Variants in PHF19 observed in about 807,000 individuals in gnomAD.
PHF19 encodes the protein PHD finger protein 19, also known as polycomb like 3.
A neutral mutation model predicts 79.8 loss-of-function variants in PHF19; 21 were observed. The observed-to-expected ratio is 0.26, with a 90% CI of 0.19 to 0.38. PHF19 has a LOEUF of 0.38. PHF19 is among the 10% of genes least tolerant of loss of function. The pLI is 1.00. For synonymous variants in PHF19, 273 were observed against 296.3 expected (o/e 0.92, Z 0.81); for missense variants, 445 against 744.2 (o/e 0.60, Z 4.68).
At position 120,860,952 on chromosome 9, in the gene PHF19, T is replaced by C. The variant is rs923862219; in HGVS notation, c.1304+137A>G. On this transcript the variant is annotated intron_variant, in intron 13 of 14. Transcript: ENST00000373896. The surrounding 1 kb of genome is among the most constrained non-coding windows in gnomAD (Gnocchi z 4.1). Reference sequence around the variant, plus strand: ...TGGTGCTCTGGGAACAGGGATGTTATGCTGAAAGCTCTACTGCAAAAAGCC... The same window carrying C: ...TGGTGCTCTGGGAACAGGGATGTTACGCTGAAAGCTCTACTGCAAAAAGCC... The C allele has an allele frequency of 1.4e-5, 9 of 654,476 alleles. No individual in the cohort carries two copies. Among genetic ancestry groups the C allele is most frequent in the African/African-American group, 7.1e-5 (4 of 56,318 alleles). The allele number at this position is 654,476 out of a possible 1,614,324, so 40.5% of individuals were successfully genotyped here.
Position 120,862,553 on chromosome 9 carries a change from C to G in PHF19, c.1130+35G>C. 7 of 1,597,840 alleles carry G rather than the reference C, an allele frequency of 4.4e-6. No individual in the cohort carries two copies. Among genetic ancestry groups the G allele is most frequent in the Non-Finnish European group, 6.0e-6 (7 of 1,168,470 alleles). ...TTGGAAGCAGAGAAACCGAGTTTGG[C>G]GGCAGCCCTGGCCCCTGGGTCCCCG... is the stretch of plus-strand genomic sequence containing the variant. On this transcript the variant is annotated intron_variant, in intron 11 of 14. Transcript: ENST00000373896. The surrounding 1 kb of genome is among the most constrained non-coding windows in gnomAD (Gnocchi z 4.6).
chr9:120,872,436 A>C (rs546995987), intron 3 of PHF19, among the ~76,000 whole-genome samples: 1 of 152,226 alleles, frequency 6.6e-6, no homozygotes, highest in Non-Finnish European at 1.5e-5. Context: ...GCTAAGGTGC[A>C]TGGTCTTCTC....
chr9:120,869,156 C>T lies in PHF19; in HGVS notation c.614+26G>A, dbSNP rs900282406. 6.3e-7 allele frequency: 1 copy of T among 1,589,054 alleles called. No individual in the cohort carries two copies. Among genetic ancestry groups the T allele is most frequent in the African/African-American group, 1.3e-5 (1 of 74,466 alleles). ...ATTCTTGGAGACCTGCCCTGCCGCC[C>T]GGGGGGCCCTGACCCCCTGCCTTAC... On this transcript the variant is annotated intron_variant, in intron 6 of 14. Transcript: ENST00000373896. This position sits in a 1 kb window ranked among gnomAD's most constrained non-coding sequence, Gnocchi z 5.8.
At chr9:120,865,254 G>A (rs1588100841) in intron 9 of PHF19, among the ~76,000 whole-genome samples, 1 of 152,202 alleles carries the variant, frequency 6.6e-6, no homozygotes, top group African/African-American at 2.4e-5. Context: ...CTCCAGCTCT[G>A]GCTCAGCCTC....
intron 1 of PHF19, among the ~76,000 whole-genome samples, chr9:120,875,588 C>T (rs2046023233): frequency 6.6e-6 from 1 of 152,216 alleles, no homozygotes; most frequent in African/African-American, 2.4e-5. Flanking sequence ...TAGCTTCCAT[C>T]CTCCTGCCCT....
rs1237336347 is a variant in PHF19 at position 120,862,545 on chromosome 9, G to A, written c.1130+43C>T. On this transcript the variant is annotated intron_variant, in intron 11 of 14. Transcript: ENST00000373896. The surrounding 1 kb of genome is among the most constrained non-coding windows in gnomAD (Gnocchi z 4.6). ...TTGCTTGCTTGGAAGCAGAGAAACC[G>A]AGTTTGGCGGCAGCCCTGGCCCCTG... The A allele has an allele frequency of 4.4e-6, 7 of 1,587,064 alleles. No homozygotes were observed. Among genetic ancestry groups the A allele is most frequent in the South Asian group, 3.3e-5 (3 of 90,382 alleles).
At position 120,869,095 on chromosome 9, in the gene PHF19, G is replaced by A; in HGVS notation, c.614+87C>T. On this transcript the variant is annotated intron_variant, in intron 6 of 14. Transcript: ENST00000373896. This position sits in a 1 kb window ranked among gnomAD's most constrained non-coding sequence, Gnocchi z 5.8. ...TCAAGGTCCCCGCCTTGGCTGACACGCCAGGCTCGCTCCCTATGGGCGGTC... is the reference window on the plus strand; with the variant it reads ...TCAAGGTCCCCGCCTTGGCTGACACACCAGGCTCGCTCCCTATGGGCGGTC... The A allele has an allele frequency of 1.5e-6, 2 of 1,344,334 alleles. No individual in the cohort carries two copies. The highest frequency in any genetic ancestry group is 2.5e-5 in the Admixed American group (1 of 40,360). 83.3% of individuals were successfully genotyped at this position (1,344,334 alleles called of 1,614,324 possible). A position where few individuals can be genotyped will look rare whatever the true frequency, so the allele number is the denominator to read the frequency against.
chr9:120,895,757 A>T (rs557409848), upstream of PHF19, among the ~76,000 whole-genome samples: 32 of 152,088 alleles, frequency 2.1e-4, no homozygotes, highest in African/African-American at 7.7e-4. Context: ...GGCTCAAGTG[A>T]TTCTCCTGCC....
chr9:120,874,779 T>TTTGCTTC lies in PHF19; in HGVS notation c.-15-30_-15-24dup, dbSNP rs753775003. 6.5e-7 allele frequency: 1 copy of TTTGCTTC among 1,542,540 alleles called. No individual in the cohort carries two copies. Among genetic ancestry groups the TTTGCTTC allele is most frequent in the Non-Finnish European group, 8.9e-7 (1 of 1,121,418 alleles). ...ACACTGGGAGAGAAAGAACAGGGTT[T>TTTGCTTC]TTGCTTCTTGCTTCCCTGCTTCAGA... On this transcript the variant is annotated intron_variant, in intron 1 of 14. Transcript: ENST00000373896. The surrounding 1 kb of genome is among the most constrained non-coding windows in gnomAD (Gnocchi z 4.5).
chr9:120,890,286 T>A (rs555502744), intron 1 of PHF19, among the ~76,000 whole-genome samples: 1 of 151,782 alleles, frequency 6.6e-6, no homozygotes, highest in African/African-American at 2.4e-5. Flanking sequence ...TTTTTTTTTT[T>A]TTTTTTTTTC....
rs2045564291 is a variant in PHF19 at position 120,862,555 on chromosome 9, G to A, written c.1130+33C>T. 6.3e-7 allele frequency: 1 copy of A among 1,599,604 alleles called. No homozygotes were observed. The highest frequency in any genetic ancestry group is 1.1e-5 in the South Asian group (1 of 90,612). On this transcript the variant is annotated intron_variant, in intron 11 of 14. Coordinates refer to ENST00000373896, the MANE Select transcript of PHF19 (RefSeq NM_015651.3). The surrounding 1 kb of genome is among the most constrained non-coding windows in gnomAD (Gnocchi z 4.6). The stretch of plus-strand genomic sequence containing the variant: ...GGAAGCAGAGAAACCGAGTTTGGCG[G>A]CAGCCCTGGCCCCTGGGTCCCCGAG...
chr9:120,862,783 AG>A lies in PHF19; in HGVS notation c.969-35del. 6.2e-7 allele frequency: 1 copy of A among 1,606,572 alleles called. No homozygotes were observed. Among genetic ancestry groups the A allele is most frequent in the Non-Finnish European group, 8.5e-7 (1 of 1,173,652 alleles). ...GGGCAGTGGGAGGAAGAAGCTCTGGAGTCTGTCAGTCCATCCTCCTGGGGAG... is the reference window on the plus strand; with the variant it reads ...GGGCAGTGGGAGGAAGAAGCTCTGGATCTGTCAGTCCATCCTCCTGGGGAG... On this transcript the variant is annotated intron_variant, in intron 10 of 14. Coordinates refer to ENST00000373896, the MANE Select transcript of PHF19 (RefSeq NM_015651.3). The surrounding 1 kb of genome is among the most constrained non-coding windows in gnomAD (Gnocchi z 4.6).
chr9:120,902,457 T>C, the PHF19 span: 1 of 145,392 alleles, frequency 6.9e-6, no homozygotes, highest in African/African-American at 2.6e-5. Flanking sequence ...CATCTCATCC[T>C]GCTTTCAATA....
chr9:120,866,983 C>T lies in PHF19; in HGVS notation c.615-18G>A. The stretch of plus-strand genomic sequence containing the variant: ...GGTACCATCTGGAGAGACAGAGGAG[C>T]CAAGGTCAGCCAGGACCACACCCCC... On this transcript the variant is annotated intron_variant, in intron 6 of 14. Coordinates refer to ENST00000373896, the MANE Select transcript of PHF19 (RefSeq NM_015651.3). This position sits in a 1 kb window ranked among gnomAD's most constrained non-coding sequence, Gnocchi z 5.2. The T allele has an allele frequency of 1.3e-6, 2 of 1,491,344 alleles. No homozygotes were observed. The highest frequency in any genetic ancestry group is 1.9e-6 in the Non-Finnish European group (2 of 1,068,278). The allele number at this position is 1,491,344 out of a possible 1,614,324, so 92.4% of individuals were successfully genotyped here. A position where few individuals can be genotyped will look rare whatever the true frequency, so the allele number is the denominator to read the frequency against.
chr9:120,870,387 A>T lies in PHF19; in HGVS notation c.364+56T>A, dbSNP rs1215679889. 1 of 1,066,190 alleles carries T rather than the reference A, an allele frequency of 9.4e-7. No homozygotes were observed. Among genetic ancestry groups the T allele is most frequent in the African/African-American group, 1.6e-5 (1 of 64,212 alleles). The allele number at this position is 1,066,190 out of a possible 1,614,324, so 66.0% of individuals were successfully genotyped here. On this transcript the variant is annotated intron_variant, in intron 4 of 14. Transcript: ENST00000373896. This position sits in a 1 kb window ranked among gnomAD's most constrained non-coding sequence, Gnocchi z 4.4. Reference sequence around the variant, plus strand: ...GCTGCAGCAGTACCCGTCAGGGGCCAGTGCGTGGGGACCTATAGGTCGGGG... The same window carrying T: ...GCTGCAGCAGTACCCGTCAGGGGCCTGTGCGTGGGGACCTATAGGTCGGGG...
At chr9:120,901,818 A>T in the PHF19 span, among the ~76,000 whole-genome samples, 1 of 152,188 alleles carries the variant, frequency 6.6e-6, no homozygotes, top group Non-Finnish European at 1.5e-5. Flanking sequence ...CTGATGCCCC[A>T]GTCAAGTCTG....
At chr9:120,898,308 G>C (rs10760124), upstream of PHF19, among the ~76,000 whole-genome samples, 1 of 152,020 alleles carries the variant, frequency 6.6e-6, no homozygotes, top group African/African-American at 2.4e-5. Flanking sequence ...GTAGAGATGG[G>C]GTTTTGCCAT....
rs548940843 is a variant in PHF19 at position 120,862,323 on chromosome 9, T to G, written c.1130+265A>C. On this transcript the variant is annotated intron_variant, in intron 11 of 14. Coordinates refer to ENST00000373896, the MANE Select transcript of PHF19 (RefSeq NM_015651.3). The surrounding 1 kb of genome is among the most constrained non-coding windows in gnomAD (Gnocchi z 4.6). Reference sequence around the variant, plus strand: ...AGAGAGAGGGACCCCTCACACACCCTGCCTTCCCCTTCACCTCCTTGCCCA... The same window carrying G: ...AGAGAGAGGGACCCCTCACACACCCGGCCTTCCCCTTCACCTCCTTGCCCA... Among the ~76,000 whole-genome samples, 81 of 152,348 alleles carry G rather than the reference T, an allele frequency of 5.3e-4. No individual in the cohort carries two copies. Among genetic ancestry groups the G allele is most frequent in the Admixed American group, 3.3e-3 (51 of 15,310 alleles).
At chr9:120,878,901 T>C (rs985246813), upstream of PHF19, among the ~76,000 whole-genome samples, 3 of 152,136 alleles carry the variant, frequency 2.0e-5, no homozygotes, top group African/African-American at 7.2e-5. Flanking sequence ...CGGGTAGGGC[T>C]GATGATGGGA....
Sources: gnomAD v4.1 joint callset for allele counts (sites outside exome capture counted in the v4.1 genomes callset) on GRCh38, gnomAD v4.1.1 for gene constraint, Gnocchi (gnomAD v3.1) non-coding constraint, MANE v1.5 for transcripts, NCBI Gene and HGNC (gene_info 2026-07-23, HGNC 2026-07-21) for gene names.